The following CMTM4 variants were observed in gnomAD, a reference collection of about 807,000 sequenced individuals.
CMTM4 encodes CKLF-like MARVEL transmembrane domain-containing protein 4.
In CMTM4, 8 loss-of-function variants were observed where a neutral mutation model predicts 19.0. That is an observed-to-expected ratio of 0.42 (90% CI 0.25 to 0.76). The LOEUF is 0.76. Among genes scored for constraint, CMTM4 ranks in the 30% least tolerant of loss-of-function variants. The pLI is 0.27. For synonymous variants in CMTM4, 106 were observed against 121.1 expected, an observed-to-expected ratio of 0.88 and a Z score of 0.82; for missense variants, 228 against 290.2, an observed-to-expected ratio of 0.79 and a Z score of 1.56.
chr16:66,604,928 A>G, the CMTM4 span: 4 of 1,498,222 alleles, frequency 2.7e-6, no homozygotes, highest in Non-Finnish European at 3.5e-6. Context: ...GCTCTCTCAA[A>G]GGCCGCCTCC....
intron 2 of CMTM4, among the ~76,000 whole-genome samples, chr16:66,633,104 T>TATATATATAAAA (rs2015910175): frequency 8.1e-5 from 2 of 24,812 alleles, no homozygotes; most frequent in African/African-American, 2.0e-4. Context: ...TATATATAAA[T>TATATATATAAAA]ATATATATAT....
At chr16:66,606,976 G>A in the CMTM4 span, among the ~76,000 whole-genome samples, 305 of 152,292 alleles carry the variant, frequency 2.0e-3, 3 homozygotes, top group African/African-American at 6.6e-3. Context: ...CCTGGGAGAC[G>A]GAGCAAGACT....
intron 1 of CMTM4, among the ~76,000 whole-genome samples, chr16:66,658,932 A>G (rs541055654): frequency 9.8e-5 from 15 of 152,294 alleles, no homozygotes; most frequent in Non-Finnish European, 1.9e-4. Context: ...AAAGCAAGAC[A>G]ATCAGCTGCT....
intron 1 of CMTM4, among the ~76,000 whole-genome samples, chr16:66,646,458 T>C (rs574823209): frequency 3.9e-5 from 6 of 152,280 alleles, no homozygotes; most frequent in South Asian, 2.1e-4. Flanking sequence ...GTATATATTA[T>C]AGATTCAGGA....
At chr16:66,607,397 G>A in the CMTM4 span, among the ~76,000 whole-genome samples, 1 of 152,198 alleles carries the variant, frequency 6.6e-6, no homozygotes, top group African/African-American at 2.4e-5. Flanking sequence ...CAGTGCCAAC[G>A]CACCCTCTGT....
At chr16:66,600,324 T>C in the CMTM4 span, among the ~76,000 whole-genome samples, 237 of 152,184 alleles carry the variant, frequency 1.6e-3, no homozygotes, top group Non-Finnish European at 2.8e-3. Flanking sequence ...TTTGTGTTTT[T>C]AGTAGAGACA....
intron 1 of CMTM4, among the ~76,000 whole-genome samples, chr16:66,676,032 A>C (rs1298176744): frequency 6.6e-6 from 1 of 152,028 alleles, no homozygotes; most frequent in African/African-American, 2.4e-5. Flanking sequence ...GCTAAAAAAA[A>C]AATAAATAAA....
chr16:66,609,211 C>T, the CMTM4 span, among the ~76,000 whole-genome samples: 1 of 152,236 alleles, frequency 6.6e-6, no homozygotes, highest in Non-Finnish European at 1.5e-5. This position sits in a 1 kb window ranked among gnomAD's most constrained non-coding sequence, Gnocchi z 4.4. Flanking sequence ...GAGCTTAGGA[C>T]AGCAGCCCCG....
rs950078862 is a variant in CMTM4, at chr16:66,696,574, G to T, written c.-49C>A. On this transcript the variant is annotated 5_prime_UTR_variant, in exon 1 of 4. Coordinates refer to ENST00000394106, the MANE Select transcript of CMTM4 (RefSeq NM_181521.3). The surrounding 1 kb of genome is among the most constrained non-coding windows in gnomAD (Gnocchi z 4.3). ...TCGCGCGGCTGGCTCCCGGCGCCAG[G>T]AGCGGGCGGACTCAGCGGGGCCGCC... is the stretch of plus-strand genomic sequence containing the variant. The T allele has an allele frequency of 3.6e-6, 4 of 1,112,902 alleles. No individual in the cohort carries two copies. Among genetic ancestry groups the T allele is most frequent in the Non-Finnish European group, 3.3e-6 (3 of 908,134 alleles). 68.9% of individuals were successfully genotyped at this position (1,112,902 alleles called of 1,614,324 possible). A position where few individuals can be genotyped will look rare whatever the true frequency, so the allele number is the denominator to read the frequency against.
intron 1 of CMTM4, among the ~76,000 whole-genome samples, chr16:66,666,016 G>A (rs1017870001): frequency 1.3e-5 from 2 of 151,862 alleles, no homozygotes; most frequent in Non-Finnish European, 1.5e-5. Context: ...AGGTTGCAGT[G>A]AGCGGAGATT....
At chr16:66,644,029 C>CAAAGTGCT in intron 1 of CMTM4, among the ~76,000 whole-genome samples, 1 of 152,338 alleles carries the variant, frequency 6.6e-6, no homozygotes, top group South Asian at 2.1e-4. Flanking sequence ...GCTAGGATTA[C>CAAAGTGCT]AGGTGTGAGC....
chr16:66,617,173 G>C lies in CMTM4; in HGVS notation c.*4885C>G. 8.7e-7 allele frequency: 1 copy of C among 1,143,580 alleles called. No individual in the cohort carries two copies. The highest frequency in any genetic ancestry group is 1.3e-6 in the Non-Finnish European group (1 of 792,574). 70.8% of individuals were successfully genotyped at this position (1,143,580 alleles called of 1,614,324 possible). ...ACACGCCACCCCAGGTGTCTAGATA[G>C]CAAGTCACCTGAATTAAAGCCTCAG... On this transcript the variant is annotated 3_prime_UTR_variant, in exon 4 of 4. Transcript: ENST00000394106.
At chr16:66,604,901 G>A in the CMTM4 span, 49,129 of 1,457,590 alleles carry the variant, frequency 0.034, 1,675 homozygotes, top group Admixed American at 0.17. Context: ...CCCTGCTGCC[G>A]GCGCGGGCTT....
At position 66,658,638 on chromosome 16, in the gene CMTM4, A is replaced by C. The variant is rs569327284; in HGVS notation, c.187-22057T>G. Among the ~76,000 whole-genome samples the C allele has an allele frequency of 1.2e-4, 18 of 152,278 alleles. 1 individual carries two copies. In the East Asian group the frequency reaches 3.5e-3, roughly 29 times the overall value. On this transcript the variant is annotated intron_variant, in intron 1 of 3. Transcript: ENST00000394106. Reference sequence around the variant, plus strand: ...TCAAACTCAGCACTATTGGCATCTCAGACCGGATCACTTTTCATTGTGAGG... The same window carrying C: ...TCAAACTCAGCACTATTGGCATCTCCGACCGGATCACTTTTCATTGTGAGG...
At chr16:66,664,233 C>CAAA (rs748462311) in intron 1 of CMTM4, among the ~76,000 whole-genome samples, 2 of 64,920 alleles carry the variant, frequency 3.1e-5, no homozygotes, top group Non-Finnish European at 3.2e-5. Flanking sequence ...GACTCCGTCT[C>CAAA]AAAAAAAAAA....
chr16:66,672,784 T>C (rs1480747299), intron 1 of CMTM4, among the ~76,000 whole-genome samples: 1 of 143,416 alleles, frequency 7.0e-6, no homozygotes, highest in Non-Finnish European at 1.5e-5. Flanking sequence ...TAGTTTTTTG[T>C]TTTGTTTTTT....
At chr16:66,624,426 T>C (rs1000394023) in intron 2 of CMTM4, among the ~76,000 whole-genome samples, 3 of 152,258 alleles carry the variant, frequency 2.0e-5, no homozygotes, top group Non-Finnish European at 4.4e-5. Flanking sequence ...CCACACCTGA[T>C]GGATCCTCTG....
intron 1 of CMTM4, among the ~76,000 whole-genome samples, chr16:66,638,460 G>A (rs2016038007): frequency 6.6e-6 from 1 of 152,186 alleles, no homozygotes; most frequent in African/African-American, 2.4e-5. Context: ...GGTCTTCTTG[G>A]TCAAAGGATA....
chr16:66,627,700 A>G (rs1567405532), intron 2 of CMTM4, among the ~76,000 whole-genome samples: 1 of 152,164 alleles, frequency 6.6e-6, no homozygotes, highest in Non-Finnish European at 1.5e-5. Context: ...ATAGAATGAC[A>G]TAACATGTGC....
Sources: gnomAD v4.1 joint callset for allele counts (sites outside exome capture counted in the v4.1 genomes callset) on GRCh38, gnomAD v4.1.1 for gene constraint, Gnocchi (gnomAD v3.1) non-coding constraint, MANE v1.5 for transcripts, NCBI Gene and HGNC (gene_info 2026-07-23, HGNC 2026-07-21) for gene names.